MUC21: variants seen among roughly 807,000 people sequenced by gnomAD.
MUC21 encodes mucin 21, cell surface associated.
Under a neutral mutation model 9.1 loss-of-function variants are expected in MUC21, and 8 were observed. The observed-to-expected ratio is 0.88, with a 90% CI of 0.52 to 1.59. MUC21 has a LOEUF of 1.59. MUC21 is among the 40% of genes most tolerant of loss of function. The pLI is 0.00. For missense variants in MUC21, 478 were observed against 694.2 expected, an observed-to-expected ratio of 0.69 and a Z score of 3.50; for synonymous variants, 189 against 275.2, an observed-to-expected ratio of 0.69 and a Z score of 3.10.
rs773503003 is a variant in MUC21, at chr6:30,986,541, C to G, written c.366C>G (p.Asn122Lys). ...CCAGTGGGGCCAGCACAGCCACCAACTCTGAGTCCAGCACACCCTCCAGTG... is the reference window on the plus strand; with the variant it reads ...CCAGTGGGGCCAGCACAGCCACCAAGTCTGAGTCCAGCACACCCTCCAGTG... ...TTSSGASTATNSESSTPSSGA... is the reference protein window; with the variant it reads ...TTSSGASTATKSESSTPSSGA... The change falls in exon 2 of 3, where the codon AAC (asparagine) becomes AAG (lysine). Residue 122 changes from asparagine to lysine, a missense_variant. Physicochemically the swap from Asn to Lys is moderately conservative, Grantham distance 94. This residue lies in a region of MUC21 where 53 missense variants were observed against 139.1 expected (regional missense o/e 0.38). Transcript: ENST00000376296. 6.3e-7 allele frequency: 1 copy of G among 1,582,484 alleles called. No homozygotes were observed. The highest frequency in any genetic ancestry group is 8.6e-7 in the Non-Finnish European group (1 of 1,162,182).
rs1047705735 is a variant in MUC21 at position 30,989,769 on chromosome 6, G to A, written c.*1575G>A. On this transcript the variant is annotated 3_prime_UTR_variant, in exon 3 of 3. Coordinates refer to ENST00000376296, the MANE Select transcript of MUC21 (RefSeq NM_001010909.5). ...AAGAAAGTCTGTGATGTGACCAGTT[G>A]CACATGTTTTCCCCTAAAAGCTTAC... is the stretch of plus-strand genomic sequence containing the variant. The A allele has an allele frequency of 6.6e-6, 1 of 152,232 alleles. No homozygotes were observed. Among genetic ancestry groups the A allele is most frequent in the Non-Finnish European group, 1.5e-5 (1 of 68,056 alleles). 9.4% of individuals were successfully genotyped at this position (152,232 alleles called of 1,614,324 possible).
chr6:30,984,245 T>A, intron 1 of MUC21: 1 of 498,792 alleles, frequency 2.0e-6, no homozygotes, highest in Admixed American at 3.6e-5. Context: ...TATGGCTCCA[T>A]CTATTAACTG....
chr6:30,983,809 AC>A lies in MUC21; in HGVS notation c.-149del. Reference sequence around the variant, plus strand: ...TGAGTCCAAGATTCTTCCCAGGAACACAAACGTAGGAGACCCACGCTCCTGG... The same window carrying A: ...TGAGTCCAAGATTCTTCCCAGGAACAAAACGTAGGAGACCCACGCTCCTGG... On this transcript the variant is annotated 5_prime_UTR_variant, in exon 1 of 3. Transcript: ENST00000376296. The A allele has an allele frequency of 1.8e-6, 1 of 563,184 alleles. No homozygotes were observed. Among genetic ancestry groups the A allele is most frequent in the Non-Finnish European group, 3.2e-6 (1 of 315,892 alleles). 34.9% of individuals were successfully genotyped at this position (563,184 alleles called of 1,614,324 possible).
chr6:30,987,411 A>G lies in MUC21; in HGVS notation c.1236A>G (p.Thr412=). 2 of 1,593,302 alleles carry G rather than the reference A, an allele frequency of 1.3e-6. No homozygotes were observed. The highest frequency in any genetic ancestry group is 1.7e-6 in the Non-Finnish European group (2 of 1,169,882). The change falls in exon 2 of 3, where the codon ACA becomes ACG. Residue 412 remains threonine, a synonymous_variant. Coordinates refer to ENST00000376296, the MANE Select transcript of MUC21 (RefSeq NM_001010909.5). Reference sequence around the variant, plus strand: ...CAGCCACCAACTCTGAGTCCAGCACAGTGTCCAGTGGGGCCAGCACTGCCA... The same window carrying G: ...CAGCCACCAACTCTGAGTCCAGCACGGTGTCCAGTGGGGCCAGCACTGCCA... The part of the protein sequence containing the change: ...ASTATNSESS[T]VSSGASTATN...
rs1762476641 is a variant in MUC21 at position 30,988,273 on chromosome 6, C to T, written c.*79C>T. ...CAAGACCTGGTTTCCTTTCATTCATCCCAGGAGACCCCTCCCAGCTTTGTT... is the reference window on the plus strand; with the variant it reads ...CAAGACCTGGTTTCCTTTCATTCATTCCAGGAGACCCCTCCCAGCTTTGTT... On this transcript the variant is annotated 3_prime_UTR_variant, in exon 3 of 3. Coordinates refer to ENST00000376296, the MANE Select transcript of MUC21 (RefSeq NM_001010909.5). 7.7e-7 allele frequency: 1 copy of T among 1,300,762 alleles called. No homozygotes were observed. The highest frequency in any genetic ancestry group is 1.0e-6 in the Non-Finnish European group (1 of 958,498). 80.6% of individuals were successfully genotyped at this position (1,300,762 alleles called of 1,614,324 possible). A position where few individuals can be genotyped will look rare whatever the true frequency, so the allele number is the denominator to read the frequency against.
chr6:30,985,703 T>C (rs1235181049), intron 1 of MUC21, among the ~76,000 whole-genome samples: 1 of 152,234 alleles, frequency 6.6e-6, no homozygotes, highest in African/African-American at 2.4e-5. Context: ...TCTCCACAAG[T>C]GCAGATTTAG....
intron 1 of MUC21, among the ~76,000 whole-genome samples, chr6:30,984,592 C>T (rs1343951744): frequency 2.6e-5 from 4 of 152,112 alleles, no homozygotes; most frequent in African/African-American, 9.7e-5. Context: ...ATCGCTTGAA[C>T]CCGGGAGGCG....
rs1259854562 is a variant in MUC21, at chr6:30,989,302, AAG to A, written c.*1111_*1112del. The A allele has an allele frequency of 1.3e-5, 2 of 152,208 alleles. No individual in the cohort carries two copies. Among genetic ancestry groups the A allele is most frequent in the Non-Finnish European group, 2.9e-5 (2 of 68,040 alleles). The allele number at this position is 152,208 out of a possible 1,614,324, so 9.4% of individuals were successfully genotyped here. ...ATAGGAAAACAGCCTGTTGCATGGT[AAG>A]AGTGATACCATCTTGAAGTGAAACC... On this transcript the variant is annotated 3_prime_UTR_variant, in exon 3 of 3. Transcript: ENST00000376296.
chr6:30,983,854 C>T lies in MUC21; in HGVS notation c.-105C>T, dbSNP rs1762140446. 1 of 682,804 alleles carries T rather than the reference C, an allele frequency of 1.5e-6. No individual in the cohort carries two copies. The highest frequency in any genetic ancestry group is 2.7e-6 in the Non-Finnish European group (1 of 374,796). 42.3% of individuals were successfully genotyped at this position (682,804 alleles called of 1,614,324 possible). On this transcript the variant is annotated 5_prime_UTR_variant, in exon 1 of 3. Coordinates refer to ENST00000376296, the MANE Select transcript of MUC21 (RefSeq NM_001010909.5). The stretch of plus-strand genomic sequence containing the variant: ...CTCCTGGAAGCACCAGCCTTTATCT[C>T]TTCACCTTCAAGTCCCCTTTCTCAA...
intron 1 of MUC21, among the ~76,000 whole-genome samples, chr6:30,984,595 G>A (rs1435701119): frequency 3.3e-5 from 5 of 152,066 alleles, no homozygotes; most frequent in Non-Finnish European, 7.4e-5. Context: ...GCTTGAACCC[G>A]GGAGGCGGAG....
chr6:30,983,750 G>A lies in MUC21; in HGVS notation c.-209G>A. 1 of 483,806 alleles carries A rather than the reference G, an allele frequency of 2.1e-6. No individual in the cohort carries two copies. Among genetic ancestry groups the A allele is most frequent in the South Asian group, 4.1e-5 (1 of 24,362 alleles). The allele number at this position is 483,806 out of a possible 1,614,324, so 30.0% of individuals were successfully genotyped here. ...GAGGCAACTACATTGCCTGGAGGAA[G>A]CCTAAGGAACCCAGGCATCCAGCTG... On this transcript the variant is annotated 5_prime_UTR_variant, in exon 1 of 3. Transcript: ENST00000376296.
In MUC21 at chr6:30,986,790, T is replaced by C; in HGVS notation, c.615T>C (p.Ser205=). The change falls in exon 2 of 3, where the codon AGT becomes AGC. Residue 205 remains serine (S), a synonymous_variant. Coordinates refer to ENST00000376296, the MANE Select transcript of MUC21 (RefSeq NM_001010909.5). ...ACTCTGAGTCCAGCACAACCTCCAG[T>C]GGGGCCAGCACAGCCACCAACTCTG... The part of the protein sequence containing the change: ...ATNSESSTTS[S]GASTATNSES... 6.2e-7 allele frequency: 1 copy of C among 1,600,098 alleles called. No homozygotes were observed. The highest frequency in any genetic ancestry group is 8.5e-7 in the Non-Finnish European group (1 of 1,173,388).
chr6:30,986,929 G>T lies in MUC21; in HGVS notation c.754G>T (p.Ala252Ser). ...NSESSTPSSG[A>S]GTATNSESST... is the part of the protein sequence containing the mutation. ...TGAGTCCAGCACACCCTCCAGTGGG[G>T]CCGGCACAGCCACCAACTCTGAGTC... is the stretch of plus-strand genomic sequence containing the variant. Residue 252 changes from alanine to serine, a missense_variant, in exon 2 of 3, where the codon GCC becomes TCC. Around this residue, in one of 5 missense-constraint regions of MUC21, gnomAD observed 155 missense variants for 235.2 expected, o/e 0.66. Coordinates refer to ENST00000376296, the MANE Select transcript of MUC21 (RefSeq NM_001010909.5). The T allele has an allele frequency of 6.5e-7, 1 of 1,543,498 alleles. No individual in the cohort carries two copies.
chr6:30,986,665 A>G lies in MUC21; in HGVS notation c.490A>G (p.Thr164Ala). Residue 164 changes from threonine to alanine, a missense_variant, in exon 2 of 3, where the codon ACA becomes GCA. Thr to Ala is a moderately conservative substitution (Grantham distance 58, BLOSUM62 0). Around this residue, in one of 5 missense-constraint regions of MUC21, gnomAD observed 53 missense variants for 139.1 expected, o/e 0.38. Transcript: ENST00000376296. ...DSSTTSSEAS[T>A]ATNSESSTTS... ...CAGCACAACCTCCAGTGAGGCCAGC[A>G]CAGCCACCAACTCTGAGTCCAGCAC... 1 of 1,589,778 alleles carries G rather than the reference A, an allele frequency of 6.3e-7. No individual in the cohort carries two copies. The highest frequency in any genetic ancestry group is 8.6e-7 in the Non-Finnish European group (1 of 1,166,048).
rs1762535838 is a variant in MUC21, at chr6:30,989,505, G to A, written c.*1311G>A. On this transcript the variant is annotated 3_prime_UTR_variant, in exon 3 of 3. Coordinates refer to ENST00000376296, the MANE Select transcript of MUC21 (RefSeq NM_001010909.5). Reference sequence around the variant, plus strand: ...ATTTTTAGAATTTTTTGTAGGGACAGGGCCTCACTCTGTTGCACAAGCTGG... The same window carrying A: ...ATTTTTAGAATTTTTTGTAGGGACAAGGCCTCACTCTGTTGCACAAGCTGG... 1 of 152,144 alleles carries A rather than the reference G, an allele frequency of 6.6e-6. No homozygotes were observed. The highest frequency in any genetic ancestry group is 2.4e-5 in the African/African-American group (1 of 41,412). The allele number at this position is 152,144 out of a possible 1,614,324, so 9.4% of individuals were successfully genotyped here.
In MUC21 at chr6:30,988,298, T is replaced by C. The variant is rs561734684; in HGVS notation, c.*104T>C. 1.1e-4 allele frequency: 116 copies of C among 1,099,042 alleles called. 1 individual carries two copies. The South Asian group carries it at 1.2e-3, about 11-fold the overall frequency. 68.1% of individuals were successfully genotyped at this position (1,099,042 alleles called of 1,614,324 possible). On this transcript the variant is annotated 3_prime_UTR_variant, in exon 3 of 3. Transcript: ENST00000376296. ...CCCAGGAGACCCCTCCCAGCTTTGT[T>C]TGAGATCCTGAAAATCTTGAAGAAG...
At chr6:30,984,155 T>C in intron 1 of MUC21, 136 bp downstream of exon 1, 1 of 626,594 alleles carries the variant, frequency 1.6e-6, no homozygotes, top group Non-Finnish European at 2.9e-6. Flanking sequence ...CACTTCAGCC[T>C]AACAAGGTAT....
chr6:30,988,794 G>T lies in MUC21; in HGVS notation c.*600G>T, dbSNP rs9262404. On this transcript the variant is annotated 3_prime_UTR_variant, in exon 3 of 3. Coordinates refer to ENST00000376296, the MANE Select transcript of MUC21 (RefSeq NM_001010909.5). Reference sequence around the variant, plus strand: ...ACCTGCTCTGTGTGTGGGGGGGGAGGGGGGAGGGGGGTACGCATATTCACT... The same window carrying T: ...ACCTGCTCTGTGTGTGGGGGGGGAGTGGGGAGGGGGGTACGCATATTCACT... The T allele has an allele frequency of 5.0e-5, 7 of 139,794 alleles. No homozygotes were observed. In the East Asian group the frequency reaches 1.0e-3, roughly 20 times the overall value. 8.7% of individuals were successfully genotyped at this position (139,794 alleles called of 1,614,324 possible).
At position 30,986,648 on chromosome 6, in the gene MUC21, C is replaced by A; in HGVS notation, c.473C>A (p.Thr158Asn). The change falls in exon 2 of 3, where the codon ACC (threonine) becomes AAC (asparagine). Residue 158 changes from threonine to asparagine, a missense_variant. Coordinates refer to ENST00000376296, the MANE Select transcript of MUC21 (RefSeq NM_001010909.5). ...STATNSDSST[T>N]SSEASTATNS... ...GCCACCAACTCTGACTCCAGCACAA[C>A]CTCCAGTGAGGCCAGCACAGCCACC... The A allele has an allele frequency of 1.3e-6, 2 of 1,542,466 alleles. No individual in the cohort carries two copies. The highest frequency in any genetic ancestry group is 2.3e-5 in the South Asian group (2 of 88,064).
Sources: allele counts gnomAD v4.1 joint callset (sites outside exome capture counted in the v4.1 genomes callset), GRCh38; gene constraint gnomAD v4.1.1; regional missense constraint gnomAD v4.1.1; transcripts MANE v1.5; gene names NCBI Gene and HGNC (gene_info 2026-07-23, HGNC 2026-07-21).